Variants in TNNI3K observed in about 807,000 individuals in gnomAD.
TNNI3K encodes serine/threonine-protein kinase TNNI3K.
In TNNI3K, 140 loss-of-function variants were observed where a neutral mutation model predicts 114.5. The ratio of observed to expected loss-of-function variants is 1.22; its 90% CI spans 1.07 to 1.41. The LOEUF is 1.41. TNNI3K is among the 40% of genes most tolerant of loss of function. The pLI is 0.00. For synonymous variants in TNNI3K, 347 were observed against 347.5 expected (o/e 1.00, Z 0.02); for missense variants, 1,125 against 1,007.6 (o/e 1.12, Z -1.58).
At chr1:74,443,355 C>G (rs914308632) in intron 20 of TNNI3K, among the ~76,000 whole-genome samples, 1 of 151,854 alleles carries the variant, frequency 6.6e-6, no homozygotes, top group African/African-American at 2.4e-5. Context: ...GAAATACAAA[C>G]AACCACCAGA....
At chr1:74,339,456 C>G (rs1008469642) in intron 7 of TNNI3K, among the ~76,000 whole-genome samples, 2 of 152,000 alleles carry the variant, frequency 1.3e-5, no homozygotes, top group African/African-American at 4.8e-5. Context: ...TGTAGCTAAG[C>G]CTCCAAATGA....
At chr1:74,481,570 T>C (rs1668505391) in intron 21 of TNNI3K, among the ~76,000 whole-genome samples, 1 of 152,216 alleles carries the variant, frequency 6.6e-6, no homozygotes, top group South Asian at 2.1e-4. Context: ...TACCTGTCAG[T>C]GGGGTTCTCA....
chr1:74,346,644 A>G (rs893549868), intron 9 of TNNI3K, among the ~76,000 whole-genome samples: 1 of 148,938 alleles, frequency 6.7e-6, no homozygotes, highest in East Asian at 2.0e-4. Flanking sequence ...TGGCTCTCTT[A>G]TATACATGTG....
At position 74,544,122 on chromosome 1, in the gene TNNI3K, T is replaced by A; in HGVS notation, c.*140T>A. The stretch of plus-strand genomic sequence containing the variant: ...TGGGCTTGTTTTTACTTGTCCTATT[T>A]AATTCCCCACTATTAGCAGGCTTTG... On this transcript the variant is annotated 3_prime_UTR_variant, in exon 25 of 25. Transcript: ENST00000326637. 1 of 826,722 alleles carries A rather than the reference T, an allele frequency of 1.2e-6. No homozygotes were observed. The highest frequency in any genetic ancestry group is 1.8e-6 in the Non-Finnish European group (1 of 555,214). 51.2% of individuals were successfully genotyped at this position (826,722 alleles called of 1,614,324 possible).
At position 74,492,279 on chromosome 1, in the gene TNNI3K, A is replaced by G. The variant is rs199618775; in HGVS notation, c.2351+13A>G. 1.1e-5 allele frequency: 17 copies of G among 1,493,552 alleles called. No individual in the cohort carries two copies. The highest frequency in any genetic ancestry group is 1.5e-5 in the Non-Finnish European group (17 of 1,104,710). 92.5% of individuals were successfully genotyped at this position (1,493,552 alleles called of 1,614,324 possible). A position where few individuals can be genotyped will look rare whatever the true frequency, so the allele number is the denominator to read the frequency against. ...CTTTGTCCCAAAGGTGAGTGGTAATATAAGCAAATCTCACAGTAAAGTCTT... is the reference window on the plus strand; with the variant it reads ...CTTTGTCCCAAAGGTGAGTGGTAATGTAAGCAAATCTCACAGTAAAGTCTT... On this transcript the variant is annotated intron_variant, in intron 23 of 24. Coordinates refer to ENST00000326637, the MANE Select transcript of TNNI3K (RefSeq NM_015978.3).
chr1:74,468,924 G>T (rs980645217), intron 21 of TNNI3K: 23 of 152,014 alleles, frequency 1.5e-4, no homozygotes, highest in African/African-American at 5.1e-4. Context: ...CTTTGAATGA[G>T]ACATGTTTGT....
chr1:74,513,377 A>G (rs1487901956), intron 23 of TNNI3K, among the ~76,000 whole-genome samples: 2 of 152,212 alleles, frequency 1.3e-5, no homozygotes, highest in South Asian at 2.1e-4. Flanking sequence ...GGGCACTGGT[A>G]GTAGGAGTTG....
chr1:74,435,285 G>T (rs974041232), intron 17 of TNNI3K, among the ~76,000 whole-genome samples: 2 of 152,048 alleles, frequency 1.3e-5, no homozygotes, highest in Non-Finnish European at 2.9e-5. Context: ...TCTTTTTTCT[G>T]CCCTTATTGA....
chr1:74,279,459 T>A (rs1028330643), intron 5 of TNNI3K, among the ~76,000 whole-genome samples: 15 of 152,202 alleles, frequency 9.9e-5, no homozygotes, highest in African/African-American at 3.4e-4. Flanking sequence ...CAAGACTACC[T>A]CAGACCTGCC....
chr1:74,339,840 C>A (rs1199367036), intron 7 of TNNI3K, among the ~76,000 whole-genome samples: 2 of 151,746 alleles, frequency 1.3e-5, no homozygotes, highest in Non-Finnish European at 2.9e-5. Flanking sequence ...TCAAAATATG[C>A]CATTTTGATA....
chr1:74,376,678 G>T (rs556628298), intron 17 of TNNI3K: 1 of 151,926 alleles, frequency 6.6e-6, no homozygotes, highest in Admixed American at 6.6e-5. Flanking sequence ...AATACTTATT[G>T]AATACATGAT....
intron 5 of TNNI3K, among the ~76,000 whole-genome samples, chr1:74,295,277 C>T (rs1657914858): frequency 6.6e-6 from 1 of 151,954 alleles, no homozygotes; most frequent in Admixed American, 6.6e-5. Flanking sequence ...GCTTTATGAC[C>T]AAGCATATGG....
At chr1:74,359,855 G>C (rs770787992) in intron 11 of TNNI3K, among the ~76,000 whole-genome samples, 1 of 151,812 alleles carries the variant, frequency 6.6e-6, no homozygotes, top group Admixed American at 6.6e-5. Context: ...AACTCAACAA[G>C]TCCAAAATTG....
At chr1:74,431,657 A>T (rs1665904890) in intron 17 of TNNI3K, among the ~76,000 whole-genome samples, 2 of 152,218 alleles carry the variant, frequency 1.3e-5, no homozygotes, top group Admixed American at 6.5e-5. Flanking sequence ...AAATGTAGAG[A>T]TTTGTTCAGA....
intron 4 of TNNI3K, among the ~76,000 whole-genome samples, chr1:74,263,994 A>G (rs1395185896): frequency 6.6e-6 from 1 of 151,908 alleles, no homozygotes; most frequent in Non-Finnish European, 1.5e-5. Flanking sequence ...ATATTATTAA[A>G]TGAGAGATGA....
chr1:74,343,145 A>G lies in TNNI3K; in HGVS notation c.898A>G (p.Lys300Glu), dbSNP rs769570092. The change falls in exon 9 of 25, where the codon AAG becomes GAG. Residue 300 changes from lysine (K) to glutamate (E), a missense_variant. Lys to Glu is a moderately conservative substitution (Grantham distance 56). Transcript: ENST00000326637. ...IQISGTESLTKENIFSETAFH... is the reference protein window; with the variant it reads ...IQISGTESLTEENIFSETAFH... ...AATATCAGGAACAGAAAGTCTGACT[A>G]AGGAAAACATCTTCAGTGAAACAGC... 1.9e-6 allele frequency: 3 copies of G among 1,613,086 alleles called. No individual in the cohort carries two copies. Among genetic ancestry groups the G allele is most frequent in the South Asian group, 1.1e-5 (1 of 91,004 alleles).
At chr1:74,315,823 C>A (rs920657070) in intron 5 of TNNI3K, among the ~76,000 whole-genome samples, 2 of 151,756 alleles carry the variant, frequency 1.3e-5, no homozygotes, top group African/African-American at 4.8e-5. Flanking sequence ...CTTTTGTGTT[C>A]TACATATTTT....
chr1:74,494,710 G>A (rs1669241804), intron 23 of TNNI3K, among the ~76,000 whole-genome samples: 1 of 152,208 alleles, frequency 6.6e-6, no homozygotes, highest in East Asian at 1.9e-4. Context: ...TTAAATCTTG[G>A]CTTTGCCATG....
At chr1:74,431,826 G>A (rs182508470) in intron 17 of TNNI3K, among the ~76,000 whole-genome samples, 16 of 152,168 alleles carry the variant, frequency 1.1e-4, no homozygotes, top group Admixed American at 8.5e-4. Context: ...CTCACTTGAC[G>A]CAACAAAATT....
Sources: gnomAD v4.1 joint callset for allele counts (sites outside exome capture counted in the v4.1 genomes callset) on GRCh38, gnomAD v4.1.1 for gene constraint, MANE v1.5 for transcripts, NCBI Gene and HGNC (gene_info 2026-07-23, HGNC 2026-07-21) for gene names.